CSMD2: variants seen among roughly 807,000 people sequenced by gnomAD.
CSMD2 encodes the protein CUB and Sushi multiple domains 2.
Under a neutral mutation model 398.5 loss-of-function variants are expected in CSMD2, and 130 were observed. That is an observed-to-expected ratio of 0.33 (90% CI 0.28 to 0.38). The LOEUF (loss-of-function observed/expected upper bound fraction) is 0.38. Ranked by LOEUF, CSMD2 falls within the 10% of genes least tolerant of loss-of-function variation. CSMD2 has a pLI of 1.00. For synonymous variants in CSMD2, 1,828 were observed against 1,908.5 expected, an observed-to-expected ratio of 0.96 and a Z score of 1.10; for missense variants, 3,829 against 4,764.9, an observed-to-expected ratio of 0.80 and a Z score of 5.78.
intron 14 of CSMD2, among the ~76,000 whole-genome samples, chr1:33,741,190 T>G (rs533896306): frequency 6.6e-6 from 1 of 152,120 alleles, no homozygotes; most frequent in African/African-American, 2.4e-5. Context: ...GGACACAGAT[T>G]TCAAGTCAAC....
chr1:33,643,957 G>C (rs755534880), intron 29 of CSMD2, among the ~76,000 whole-genome samples: 5 of 151,824 alleles, frequency 3.3e-5, no homozygotes, highest in Non-Finnish European at 5.9e-5. Flanking sequence ...AATGAAGGAT[G>C]CTTGAGGCTT....
chr1:34,163,907 G>A lies in CSMD2; in HGVS notation c.187+1004C>T, dbSNP rs1359550104. Among the ~76,000 whole-genome samples, 2 of 152,172 alleles carry A rather than the reference G, an allele frequency of 1.3e-5. No homozygotes were observed. Among genetic ancestry groups the A allele is most frequent in the Non-Finnish European group, 2.9e-5 (2 of 68,046 alleles). ...AGCGGGAGGGCACCAGTCGCGGCCAGTAGCCTCCACAGGGGACCGGGTTCC... is the reference window on the plus strand; with the variant it reads ...AGCGGGAGGGCACCAGTCGCGGCCAATAGCCTCCACAGGGGACCGGGTTCC... On this transcript the variant is annotated intron_variant, in intron 1 of 70. Coordinates refer to ENST00000373381, the MANE Select transcript of CSMD2 (RefSeq NM_001281956.2). The surrounding 1 kb of genome is among the most constrained non-coding windows in gnomAD (Gnocchi z 5.4).
Position 33,725,554 on chromosome 1 carries a change from T to A in CSMD2, c.2508-18A>T. On this transcript the variant is annotated intron_variant, in intron 16 of 70. Transcript: ENST00000373381. ...TTTTGAATCTGCCAAATGACAGAAA[T>A]GAAGCCTTCTTGAGAAATCCAAGCT... 1 of 1,612,292 alleles carries A rather than the reference T, an allele frequency of 6.2e-7. No individual in the cohort carries two copies. The highest frequency in any genetic ancestry group is 8.5e-7 in the Non-Finnish European group (1 of 1,178,398).
At chr1:34,074,686 G>A (rs1261542661) in intron 2 of CSMD2, among the ~76,000 whole-genome samples, 1 of 152,172 alleles carries the variant, frequency 6.6e-6, no homozygotes, top group East Asian at 1.9e-4. Context: ...TCATCAAGGA[G>A]TTTACAGCCT....
At chr1:34,067,022 C>T (rs1017586363) in intron 2 of CSMD2, among the ~76,000 whole-genome samples, 1 of 152,074 alleles carries the variant, frequency 6.6e-6, no homozygotes, top group Non-Finnish European at 1.5e-5. Flanking sequence ...AGTTGTGGTG[C>T]CTCCCTCAGC....
intron 14 of CSMD2, among the ~76,000 whole-genome samples, chr1:33,740,865 A>G (rs1045668309): frequency 6.6e-6 from 1 of 152,192 alleles, no homozygotes; most frequent in Non-Finnish European, 1.5e-5. Context: ...GCGCAAATGC[A>G]CATAGCAGGA....
At chr1:33,865,330 G>T (rs763627645) in intron 5 of CSMD2, among the ~76,000 whole-genome samples, 1 of 150,076 alleles carries the variant, frequency 6.7e-6, no homozygotes. Flanking sequence ...ACTTAGATAC[G>T]CTCAGTGGGG....
intron 1 of CSMD2, among the ~76,000 whole-genome samples, chr1:34,143,703 G>T (rs1207406646): frequency 6.6e-6 from 1 of 152,038 alleles, no homozygotes; most frequent in East Asian, 1.9e-4. Context: ...AAAAAAAGAA[G>T]GAAGGAAGGA....
intron 5 of CSMD2, among the ~76,000 whole-genome samples, chr1:33,887,816 AAAATTACATTACT>A (rs1641703899): frequency 6.6e-6 from 1 of 152,318 alleles, no homozygotes; most frequent in Non-Finnish European, 1.5e-5. Flanking sequence ...AAGAAGAAAT[AAAATTACATTACT>A]TGCAGCTAAT....
intron 9 of CSMD2, among the ~76,000 whole-genome samples, chr1:33,817,051 T>C (rs1234440759): frequency 6.6e-6 from 1 of 152,226 alleles, no homozygotes; most frequent in African/African-American, 2.4e-5. Flanking sequence ...ATTCTTAAGG[T>C]GGGGTTCACC....
At chr1:34,081,768 C>T (rs1657171110) in intron 2 of CSMD2, among the ~76,000 whole-genome samples, 4 of 152,192 alleles carry the variant, frequency 2.6e-5, no homozygotes, top group Non-Finnish European at 2.9e-5. Context: ...ACCTCCCAGC[C>T]GCCTGCCTTG....
chr1:33,781,054 T>G (rs1367481283), intron 12 of CSMD2, among the ~76,000 whole-genome samples: 1 of 152,208 alleles, frequency 6.6e-6, no homozygotes, highest in African/African-American at 2.4e-5. Flanking sequence ...AAACCACCTC[T>G]TCTGGGGGCT....
At chr1:33,700,899 G>C (rs1645591171) in intron 22 of CSMD2, among the ~76,000 whole-genome samples, 1 of 152,190 alleles carries the variant, frequency 6.6e-6, no homozygotes, top group Admixed American at 6.5e-5. Flanking sequence ...TCTTTAGTGT[G>C]AATCTAGTCT....
intron 9 of CSMD2, among the ~76,000 whole-genome samples, chr1:33,812,078 A>G (rs1656926720): frequency 6.6e-6 from 1 of 152,190 alleles, no homozygotes; most frequent in African/African-American, 2.4e-5. Context: ...CAGCTCCTAG[A>G]CATAATGAAT....
chr1:33,950,867 A>G (rs892825173), intron 3 of CSMD2, among the ~76,000 whole-genome samples: 3 of 152,196 alleles, frequency 2.0e-5, no homozygotes, highest in African/African-American at 7.2e-5. Flanking sequence ...AAGGATTGGG[A>G]TGCGTCTGTC....
At position 33,836,804 on chromosome 1, in the gene CSMD2, C is replaced by T. The variant is rs138198299; in HGVS notation, c.1033+10080G>A. On this transcript the variant is annotated intron_variant, in intron 6 of 70. Transcript: ENST00000373381. ...GGAAAGCGAATTCCCCAACCCCTTG[C>T]ACTTCCTGGGTGAGGCCATGCCTCG... 6.5e-4 allele frequency among the ~76,000 whole-genome samples: 99 copies of T among 152,306 alleles called. 1 individual carries two copies. Among genetic ancestry groups the T allele is most frequent in the African/African-American group, 2.2e-3 (91 of 41,568 alleles).
intron 29 of CSMD2, among the ~76,000 whole-genome samples, chr1:33,645,466 T>C (rs1490290112): frequency 6.6e-6 from 1 of 151,856 alleles, no homozygotes; most frequent in African/African-American, 2.4e-5. Context: ...TAGCAACAAT[T>C]TGTAGATGAT....
chr1:33,737,269 G>A (rs1368841944), intron 15 of CSMD2, among the ~76,000 whole-genome samples: 5 of 152,170 alleles, frequency 3.3e-5, no homozygotes, highest in African/African-American at 4.8e-5. Context: ...TGGCAGATGA[G>A]GTTGTACAGA....
chr1:33,986,933 C>T (rs774020010), intron 3 of CSMD2, among the ~76,000 whole-genome samples: 1 of 152,064 alleles, frequency 6.6e-6, no homozygotes, highest in Non-Finnish European at 1.5e-5. Flanking sequence ...GCATCCTTCT[C>T]GTGTGTGTGT....
Sources: gnomAD v4.1 joint callset for allele counts (sites outside exome capture counted in the v4.1 genomes callset) on GRCh38, gnomAD v4.1.1 for gene constraint, Gnocchi (gnomAD v3.1) non-coding constraint, MANE v1.5 for transcripts, NCBI Gene and HGNC (gene_info 2026-07-23, HGNC 2026-07-21) for gene names.